Variants in NXN observed in about 807,000 individuals in gnomAD.
The protein encoded by NXN is nucleoredoxin.
Under a neutral mutation model 48.6 loss-of-function variants are expected in NXN, and 16 were observed. That is an observed-to-expected ratio of 0.33 (90% CI 0.22 to 0.50). NXN has a LOEUF of 0.50. Among genes scored for constraint, NXN ranks in the 20% least tolerant of loss-of-function variants. The pLI is 0.98. For synonymous variants in NXN, 281 were observed against 269.6 expected, an observed-to-expected ratio of 1.04 and a Z score of -0.41; for missense variants, 492 against 605.5, an observed-to-expected ratio of 0.81 and a Z score of 1.97.
At chr17:935,289 C>T (rs1439951869) in intron 1 of NXN, among the ~76,000 whole-genome samples, 2 of 152,022 alleles carry the variant, frequency 1.3e-5, no homozygotes, top group Non-Finnish European at 2.9e-5. Context: ...CCACCGCGCC[C>T]GGCCTTGCTG....
chr17:924,540 TTTTAA>T (rs1163020611), intron 1 of NXN, among the ~76,000 whole-genome samples: 2 of 152,174 alleles, frequency 1.3e-5, no homozygotes, highest in African/African-American at 2.4e-5. Context: ...CCCGGCCGAT[TTTTAA>T]TTTGTTGTTG....
chr17:898,369 A>T (rs1017520609), intron 1 of NXN, among the ~76,000 whole-genome samples: 1 of 150,586 alleles, frequency 6.6e-6, no homozygotes. Context: ...AACACCTTTG[A>T]TCCCATCTTT....
At chr17:816,358 G>A (rs1431107631) in intron 5 of NXN, among the ~76,000 whole-genome samples, 1 of 152,152 alleles carries the variant, frequency 6.6e-6, no homozygotes, top group African/African-American at 2.4e-5. Flanking sequence ...TGGTCTCTAA[G>A]GAGAGTGCCC....
In NXN at chr17:849,602, G is replaced by A. The variant is rs544057823; in HGVS notation, c.361-23524C>T. Reference sequence around the variant, plus strand: ...CCGCACTGGCCCTCTCAGCCTCAGGGGCCGCTGGACTCCCTCTTCCCTCCC... The same window carrying A: ...CCGCACTGGCCCTCTCAGCCTCAGGAGCCGCTGGACTCCCTCTTCCCTCCC... On this transcript the variant is annotated intron_variant, in intron 1 of 7. Coordinates refer to ENST00000336868, the MANE Select transcript of NXN (RefSeq NM_022463.5). This position sits in a 1 kb window ranked among gnomAD's most constrained non-coding sequence, Gnocchi z 4.2. Among the ~76,000 whole-genome samples the A allele has an allele frequency of 3.9e-5, 6 of 152,224 alleles. No individual in the cohort carries two copies. Among genetic ancestry groups the A allele is most frequent in the Non-Finnish European group, 7.4e-5 (5 of 68,016 alleles).
intron 1 of NXN, among the ~76,000 whole-genome samples, chr17:940,695 G>T (rs1446261707): frequency 6.6e-6 from 1 of 151,632 alleles, no homozygotes; most frequent in African/African-American, 2.4e-5. Context: ...ATTCCAGGGT[G>T]CAGCCATGAA....
In NXN at chr17:825,687, C is replaced by G; in HGVS notation, c.478+274G>C. On this transcript the variant is annotated intron_variant, in intron 2 of 7. Transcript: ENST00000336868. This position sits in a 1 kb window ranked among gnomAD's most constrained non-coding sequence, Gnocchi z 4.1. ...GCTCTCCGCTTTCCCACAGCCTCTGCGGCCCTCCAAGCGGAGCTTCTTACG... is the reference window on the plus strand; with the variant it reads ...GCTCTCCGCTTTCCCACAGCCTCTGGGGCCCTCCAAGCGGAGCTTCTTACG... The G allele has an allele frequency of 2.9e-6, 1 of 348,342 alleles. No individual in the cohort carries two copies. The highest frequency in any genetic ancestry group is 2.1e-5 in the African/African-American group (1 of 46,514). 21.6% of individuals were successfully genotyped at this position (348,342 alleles called of 1,614,324 possible).
At chr17:848,569 T>A (rs2067890451) in intron 1 of NXN, among the ~76,000 whole-genome samples, 1 of 152,198 alleles carries the variant, frequency 6.6e-6, no homozygotes, top group Non-Finnish European at 1.5e-5. Flanking sequence ...GGCGTTTCCA[T>A]CAAAACACAA....
rs893422167 is a variant in NXN, at chr17:824,499, A to G, written c.479-734T>C. ...GAATCATCGCCTCGGGGCCTCGGGA[A>G]TCAACCCGATACCCGGGATTGTGGA... On this transcript the variant is annotated intron_variant, in intron 2 of 7. Coordinates refer to ENST00000336868, the MANE Select transcript of NXN (RefSeq NM_022463.5). Among the ~76,000 whole-genome samples, 41 of 152,300 alleles carry G rather than the reference A, an allele frequency of 2.7e-4. 1 individual carries two copies. Among genetic ancestry groups the G allele is most frequent in the African/African-American group, 9.9e-4 (41 of 41,564 alleles).
chr17:808,719 G>C (rs1242902819), intron 5 of NXN, among the ~76,000 whole-genome samples: 1 of 140,398 alleles, frequency 7.1e-6, no homozygotes, highest in East Asian at 2.2e-4. Flanking sequence ...CTGTTGCCCA[G>C]GCTGGAATGC....
At chr17:848,655 C>T (rs182281297) in intron 1 of NXN, among the ~76,000 whole-genome samples, 25 of 152,312 alleles carry the variant, frequency 1.6e-4, no homozygotes, top group African/African-American at 5.5e-4. Flanking sequence ...TTCCAAACAG[C>T]GAACTCAAAG....
chr17:966,631 G>A (rs1002294643), intron 1 of NXN, among the ~76,000 whole-genome samples: 3 of 152,088 alleles, frequency 2.0e-5, no homozygotes, highest in South Asian at 2.1e-4. Context: ...ACAGACATGA[G>A]CCACCACGCC....
chr17:930,700 T>C (rs570155108), intron 1 of NXN, among the ~76,000 whole-genome samples: 38 of 151,820 alleles, frequency 2.5e-4, no homozygotes, highest in African/African-American at 9.2e-4. Flanking sequence ...ATAAACATGT[T>C]ATTAAATGCT....
intron 1 of NXN, among the ~76,000 whole-genome samples, chr17:951,077 C>G (rs11869177): frequency 0.29 from 43,065 of 149,464 alleles, 7,040 homozygotes; most frequent in Middle Eastern, 0.42. Flanking sequence ...TGGCTCACGC[C>G]TGTAATCCCA....
At chr17:966,981 C>G (rs962255244) in intron 1 of NXN, among the ~76,000 whole-genome samples, 11 of 152,118 alleles carry the variant, frequency 7.2e-5, no homozygotes, top group African/African-American at 2.7e-4. Context: ...GAGAGGACGG[C>G]TGAGGTCAGA....
chr17:903,355 G>A (rs1013712284), intron 1 of NXN, among the ~76,000 whole-genome samples: 8 of 150,398 alleles, frequency 5.3e-5, no homozygotes, highest in Non-Finnish European at 7.4e-5. Flanking sequence ...ACAGGCGCCC[G>A]CCACCATGCC....
intron 1 of NXN, among the ~76,000 whole-genome samples, chr17:864,752 G>T (rs2068079551): frequency 6.6e-6 from 1 of 152,134 alleles, no homozygotes; most frequent in South Asian, 2.1e-4. Context: ...GACCTCTAAG[G>T]AATGTGTTTG....
At chr17:942,199 C>G (rs1256054614) in intron 1 of NXN, among the ~76,000 whole-genome samples, 22 of 142,470 alleles carry the variant, frequency 1.5e-4, no homozygotes, top group Non-Finnish European at 3.0e-4. Flanking sequence ...TCACCACACA[C>G]CTCCCTGGAT....
chr17:868,157 C>G (rs1439275377), intron 1 of NXN, among the ~76,000 whole-genome samples: 1 of 152,158 alleles, frequency 6.6e-6, no homozygotes, highest in Non-Finnish European at 1.5e-5. Flanking sequence ...GGCTGCTTCC[C>G]TGGGAACCAT....
At chr17:836,719 A>G (rs1913844317) in intron 1 of NXN, among the ~76,000 whole-genome samples, 3 of 152,130 alleles carry the variant, frequency 2.0e-5, no homozygotes, top group Non-Finnish European at 4.4e-5. Flanking sequence ...CCTACACCTC[A>G]CTGAACTGCT....
Sources: gnomAD v4.1 joint callset for allele counts (sites outside exome capture counted in the v4.1 genomes callset) on GRCh38, gnomAD v4.1.1 for gene constraint, Gnocchi (gnomAD v3.1) non-coding constraint, MANE v1.5 for transcripts, NCBI Gene and HGNC (gene_info 2026-07-23, HGNC 2026-07-21) for gene names.